CCDC18: variants seen among roughly 807,000 people sequenced by gnomAD.
CCDC18 encodes coiled-coil domain-containing protein 18.
Under a neutral mutation model 196.0 loss-of-function variants are expected in CCDC18, and 157 were observed. The ratio of observed to expected loss-of-function variants is 0.80; its 90% CI spans 0.70 to 0.91. The LOEUF (loss-of-function observed/expected upper bound fraction) is 0.91. CCDC18 is among the 40% of genes least tolerant of loss of function. The pLI is 0.00. For synonymous variants in CCDC18, 482 were observed against 529.2 expected, an observed-to-expected ratio of 0.91 and a Z score of 1.22; for missense variants, 1,465 against 1,611.6, an observed-to-expected ratio of 0.91 and a Z score of 1.56.
intron 24 of CCDC18, among the ~76,000 whole-genome samples, chr1:93,255,103 C>T (rs902873795): frequency 1.3e-5 from 2 of 151,780 alleles, no homozygotes; most frequent in South Asian, 4.2e-4. Flanking sequence ...CAGGCACCTG[C>T]CACCACGCCT....
rs766920286 is a variant in CCDC18, at chr1:93,180,857, G to A, written c.-3+5G>A. The A allele has an allele frequency of 2.6e-5, 36 of 1,366,034 alleles. No individual in the cohort carries two copies. Among genetic ancestry groups the A allele is most frequent in the Non-Finnish European group, 3.5e-5 (36 of 1,021,972 alleles). 84.6% of individuals were successfully genotyped at this position (1,366,034 alleles called of 1,614,324 possible). On this transcript the variant is annotated splice_donor_5th_base_variant and intron_variant, in intron 1 of 28. Coordinates refer to ENST00000690025, the MANE Select transcript of CCDC18 (RefSeq NM_001378204.1). ...TGCGAAGCGCGCAGTCGCCGGGTGG[G>A]TCTCTCCCCAGCGACGATTTGGGTG...
intron 6 of CCDC18, among the ~76,000 whole-genome samples, chr1:93,200,806 G>A (rs138998987): frequency 2.0e-5 from 3 of 152,324 alleles, no homozygotes; most frequent in African/African-American, 7.2e-5. Flanking sequence ...AAGTGAGGAA[G>A]AGTAGATAAG....
At chr1:93,247,039 G>GT in intron 23 of CCDC18, 85 bp downstream of exon 23, 1 of 626,552 alleles carries the variant, frequency 1.6e-6, no homozygotes, top group Admixed American at 3.2e-5. Context: ...AATAGTGGGT[G>GT]TTTTTTGTTA....
intron 25 of CCDC18, among the ~76,000 whole-genome samples, chr1:93,257,496 T>A (rs1175241887): frequency 1.3e-5 from 2 of 151,892 alleles, no homozygotes; most frequent in Non-Finnish European, 2.9e-5. Context: ...TTTATTGATG[T>A]TGCAAAAAAA....
At position 93,184,017 on chromosome 1, in the gene CCDC18, T is replaced by C. The variant is rs1179116129; in HGVS notation, c.174T>C (p.Pro58=). The change falls in exon 3 of 29, where the codon CCT becomes CCC. Residue 58 remains proline (P), a synonymous_variant. Coordinates refer to ENST00000690025, the MANE Select transcript of CCDC18 (RefSeq NM_001378204.1). ...AAAATTCTGATTATGCCCCTAATCCTTCAAGGTCTGAAAAGCTAATTTTGG... is the reference window on the plus strand; with the variant it reads ...AAAATTCTGATTATGCCCCTAATCCCTCAAGGTCTGAAAAGCTAATTTTGG... The part of the protein sequence containing the change: ...PSENSDYAPN[P]SRSEKLILDV... 1.9e-6 allele frequency: 3 copies of C among 1,576,664 alleles called. No individual in the cohort carries two copies. The highest frequency in any genetic ancestry group is 4.6e-5 in the East Asian group (2 of 43,868).
At position 93,210,973 on chromosome 1, in the gene CCDC18, T is replaced by C. The variant is rs202097092; in HGVS notation, c.1334+47T>C. 84 of 1,603,050 alleles carry C rather than the reference T, an allele frequency of 5.2e-5. No homozygotes were observed. In the East Asian group the frequency reaches 1.2e-3, roughly 24 times the overall value. On this transcript the variant is annotated intron_variant, in intron 10 of 28. Coordinates refer to ENST00000690025, the MANE Select transcript of CCDC18 (RefSeq NM_001378204.1). ...GTTATAGCAAATAGAATGTTTTTTA[T>C]TGGTAATTAAGACCCTTAATTGGCC...
chr1:93,268,122 C>T (rs987061809), intron 27 of CCDC18, among the ~76,000 whole-genome samples: 1 of 152,152 alleles, frequency 6.6e-6, no homozygotes, highest in African/African-American at 2.4e-5. Flanking sequence ...AATAACACCA[C>T]ACATCTACAA....
chr1:93,215,455 C>CTTTTTTTTTTTT (rs60117060), intron 12 of CCDC18, among the ~76,000 whole-genome samples: 1 of 139,914 alleles, frequency 7.1e-6, no homozygotes, highest in African/African-American at 2.6e-5. Flanking sequence ...TTTTCTTTTT[C>CTTTTTTTTTTTT]TTTTTTTTTT....
intron 6 of CCDC18, among the ~76,000 whole-genome samples, chr1:93,201,368 A>G (rs1653803350): frequency 1.3e-5 from 2 of 152,204 alleles, no homozygotes; most frequent in Admixed American, 1.3e-4. Context: ...ATGAGGCAAC[A>G]AGGTTCGGCT....
In CCDC18 at chr1:93,263,000, T is replaced by C. The variant is rs577219050; in HGVS notation, c.3685-1701T>C. 3.9e-5 allele frequency among the ~76,000 whole-genome samples: 6 copies of C among 152,244 alleles called. No homozygotes were observed. The South Asian group carries it at 1.2e-3, about 32-fold the overall frequency. ...CTGCCAAGGTGTGGGGCTTGCACCC[T>C]CTGAAGCAATGGTCTGAGCTGTACC... On this transcript the variant is annotated intron_variant, in intron 26 of 28. Coordinates refer to ENST00000690025, the MANE Select transcript of CCDC18 (RefSeq NM_001378204.1).
intron 1 of CCDC18, 59 bp downstream of exon 1, chr1:93,180,911 A>G: frequency 1.5e-6 from 2 of 1,350,938 alleles, no homozygotes; most frequent in Non-Finnish European, 2.0e-6. Flanking sequence ...GCGTGGGGAA[A>G]CCGGCTTACC....
At chr1:93,255,634 G>A (rs1662847283) in intron 24 of CCDC18, among the ~76,000 whole-genome samples, 2 of 152,102 alleles carry the variant, frequency 1.3e-5, no homozygotes, top group African/African-American at 4.8e-5. Context: ...TACTTGGGAG[G>A]CTGAGATGGG....
At chr1:93,239,552 G>A in intron 20 of CCDC18, 79 bp downstream of exon 20, 2 of 1,490,848 alleles carry the variant, frequency 1.3e-6, no homozygotes, top group Non-Finnish European at 9.1e-7. Context: ...ATTTGAGATG[G>A]TGGGGCTGGA....
chr1:93,241,397 A>G (rs1277696076), intron 21 of CCDC18, among the ~76,000 whole-genome samples: 2 of 151,814 alleles, frequency 1.3e-5, no homozygotes, highest in African/African-American at 4.8e-5. Context: ...CCAACAATCC[A>G]TTTTCCAAAA....
Position 93,275,379 on chromosome 1 carries a change from G to A in CCDC18, c.4354-3084G>A, listed in dbSNP as rs562950485. 7.4e-4 allele frequency among the ~76,000 whole-genome samples: 112 copies of A among 152,278 alleles called. 1 individual carries two copies. Among genetic ancestry groups the A allele is most frequent in the African/African-American group, 2.6e-3 (109 of 41,554 alleles). Reference sequence around the variant, plus strand: ...CCACCTTGGCCTCCCAAAGTGCTGAGATGACAGGCGTGAGCCACCGCACCT... The same window carrying A: ...CCACCTTGGCCTCCCAAAGTGCTGAAATGACAGGCGTGAGCCACCGCACCT... On this transcript the variant is annotated intron_variant, in intron 28 of 28. Coordinates refer to ENST00000690025, the MANE Select transcript of CCDC18 (RefSeq NM_001378204.1).
chr1:93,237,567 G>A (rs1194779323), intron 19 of CCDC18, among the ~76,000 whole-genome samples: 1 of 152,128 alleles, frequency 6.6e-6, no homozygotes, highest in Non-Finnish European at 1.5e-5. Flanking sequence ...TAAGGACATT[G>A]CTTCTTCCCC....
chr1:93,213,181 GTGGCCCAGTTCCTAA>G (rs1413095530), intron 11 of CCDC18, among the ~76,000 whole-genome samples: 1 of 151,986 alleles, frequency 6.6e-6, no homozygotes, highest in Non-Finnish European at 1.5e-5. Context: ...CTCCTACTAT[GTGGCCCAGTTCCTAA>G]TGGGCCATGG....
chr1:93,201,982 G>T lies in CCDC18; in HGVS notation c.789G>T (p.Leu263=). 1 of 1,603,542 alleles carries T rather than the reference G, an allele frequency of 6.2e-7. No individual in the cohort carries two copies. The highest frequency in any genetic ancestry group is 1.1e-5 in the South Asian group (1 of 89,916). The change falls in exon 7 of 29, where the codon CTG becomes CTT. Residue 263 remains leucine (L), a synonymous_variant. Coordinates refer to ENST00000690025, the MANE Select transcript of CCDC18 (RefSeq NM_001378204.1). ...ATAAAAAAAAAGTGGCTGAAAAACT[G>T]GAAAAGGTAAAAGGCAGTTGTGCAA... ...QQYKKKVAEK[L]EKVQAEEEIL...
chr1:93,195,157 C>T (rs1652505185), intron 6 of CCDC18, among the ~76,000 whole-genome samples: 1 of 152,200 alleles, frequency 6.6e-6, no homozygotes, highest in Non-Finnish European at 1.5e-5. Flanking sequence ...AGGCGTGAGC[C>T]ACTGCGCCTG....
Sources: gnomAD v4.1 joint callset for allele counts (sites outside exome capture counted in the v4.1 genomes callset) on GRCh38, gnomAD v4.1.1 for gene constraint, MANE v1.5 for transcripts, NCBI Gene and HGNC (gene_info 2026-07-23, HGNC 2026-07-21) for gene names.